ZBTB16: variants seen among roughly 807,000 people sequenced by gnomAD.
ZBTB16 encodes zinc finger and BTB domain containing 16.
Under a neutral mutation model 56.8 loss-of-function variants are expected in ZBTB16, and 8 were observed. The ratio of observed to expected loss-of-function variants is 0.14; its 90% confidence interval spans 0.08 to 0.25. ZBTB16 has a LOEUF of 0.25. Ranked by LOEUF, ZBTB16 falls within the 10% of genes least tolerant of loss-of-function variation. The pLI, the probability that ZBTB16 is intolerant of heterozygous loss-of-function variation, is 1.00. For synonymous variants in ZBTB16, 363 were observed against 368.5 expected (o/e 0.98, Z 0.17); for missense variants, 625 against 903.0 (o/e 0.69, Z 3.95).
intron 4 of ZBTB16, among the ~76,000 whole-genome samples, chr11:114,223,348 G>A (rs973596484): frequency 4.6e-5 from 7 of 152,110 alleles, no homozygotes; most frequent in African/African-American, 1.2e-4. Flanking sequence ...GGGAATATAC[G>A]GACTCAGAAG....
intron 2 of ZBTB16, among the ~76,000 whole-genome samples, chr11:114,079,388 G>A (rs545697259): frequency 6.6e-6 from 1 of 152,312 alleles, no homozygotes; most frequent in African/African-American, 2.4e-5. Flanking sequence ...TTTGGGCACT[G>A]CTAAATTGAT....
intron 3 of ZBTB16, among the ~76,000 whole-genome samples, chr11:114,179,301 C>A (rs1943191630): frequency 1.0e-5 from 1 of 99,048 alleles, no homozygotes. Flanking sequence ...AGAGAGAGAG[C>A]CTTCAAGCTC....
chr11:114,177,467 C>T (rs1943145366), intron 3 of ZBTB16, among the ~76,000 whole-genome samples: 1 of 152,132 alleles, frequency 6.6e-6, no homozygotes, highest in Non-Finnish European at 1.5e-5. Context: ...TCAGGCTGGT[C>T]TCCAACTCCA....
At chr11:114,243,636 G>A (rs1944757192) in intron 5 of ZBTB16, among the ~76,000 whole-genome samples, 4 of 152,216 alleles carry the variant, frequency 2.6e-5, no homozygotes, top group Admixed American at 2.0e-4. Flanking sequence ...TGTTGACAAG[G>A]ACTTTCTCTA....
At position 114,155,414 on chromosome 11, in the gene ZBTB16, C is replaced by T. The variant is rs137879495; in HGVS notation, c.1269-923C>T. The stretch of plus-strand genomic sequence containing the variant: ...CGGTTCCCTGCATCTTACCAGCTCC[C>T]GTGCTGGCTCGTGACTGAGCTAGGG... On this transcript the variant is annotated intron_variant, in intron 2 of 6. Transcript: ENST00000335953. Among the ~76,000 whole-genome samples, 85 of 152,298 alleles carry T rather than the reference C, an allele frequency of 5.6e-4. 1 individual carries two copies. The East Asian group carries it at 0.012, about 21-fold the overall frequency.
intron 2 of ZBTB16, among the ~76,000 whole-genome samples, chr11:114,137,243 C>T (rs1941823643): frequency 6.6e-6 from 1 of 152,180 alleles, no homozygotes; most frequent in African/African-American, 2.4e-5. Context: ...CATCTCTCTA[C>T]CAAAAGAGAA....
intron 3 of ZBTB16, among the ~76,000 whole-genome samples, chr11:114,165,292 T>C (rs1591737511): frequency 6.6e-6 from 1 of 152,346 alleles, no homozygotes; most frequent in African/African-American, 2.4e-5. Context: ...CTTCTCTGGC[T>C]TGGCCCCTGC....
intron 3 of ZBTB16, chr11:114,180,826 A>G (rs1943230571): frequency 6.6e-6 from 1 of 152,294 alleles, no homozygotes; most frequent in African/African-American, 2.4e-5. Context: ...AGCCCAAGAC[A>G]GGTGGGAACC....
intron 4 of ZBTB16, among the ~76,000 whole-genome samples, chr11:114,203,003 T>G (rs1943770454): frequency 5.3e-5 from 8 of 152,210 alleles, no homozygotes; most frequent in Admixed American, 5.2e-4. Flanking sequence ...AACTTACTCA[T>G]GAACATTCAT....
At chr11:114,126,146 A>C (rs1054093196) in intron 2 of ZBTB16, among the ~76,000 whole-genome samples, 1 of 152,174 alleles carries the variant, frequency 6.6e-6, no homozygotes, top group Admixed American at 6.5e-5. Flanking sequence ...TCTTTCTGGC[A>C]CTGAGACTTT....
intron 4 of ZBTB16, among the ~76,000 whole-genome samples, chr11:114,197,809 C>T (rs527727569): frequency 4.6e-5 from 7 of 152,204 alleles, no homozygotes; most frequent in East Asian, 1.9e-4. Context: ...TGAGCAGCAA[C>T]GCTCCTTCCC....
chr11:114,241,925 A>G (rs1944713094), intron 4 of ZBTB16, among the ~76,000 whole-genome samples: 1 of 152,082 alleles, frequency 6.6e-6, no homozygotes, highest in Admixed American at 6.5e-5. Flanking sequence ...GCTGCGATGT[A>G]TTTGATCAAT....
chr11:114,216,536 G>T (rs1372018565), intron 4 of ZBTB16, among the ~76,000 whole-genome samples: 1 of 152,182 alleles, frequency 6.6e-6, no homozygotes. Flanking sequence ...CTTTTGTGGG[G>T]GAATGTACAC....
At chr11:114,214,982 T>G (rs1399087231) in intron 4 of ZBTB16, among the ~76,000 whole-genome samples, 1 of 126,886 alleles carries the variant, frequency 7.9e-6, no homozygotes, top group Non-Finnish European at 1.6e-5. Context: ...GAGAGGAGCT[T>G]ATCTTTTTTT....
chr11:114,143,916 T>C lies in ZBTB16; in HGVS notation c.1269-12421T>C, dbSNP rs778296409. ...AGCCGCTGCTTGGCCTCTGTGCTCG[T>C]TGGGCCTCGAGTCACTGGTATTATG... On this transcript the variant is annotated intron_variant, in intron 2 of 6. Coordinates refer to ENST00000335953, the MANE Select transcript of ZBTB16 (RefSeq NM_006006.6). The surrounding 1 kb of genome is among the most constrained non-coding windows in gnomAD (Gnocchi z 6.4). 1.6e-4 allele frequency among the ~76,000 whole-genome samples: 24 copies of C among 152,190 alleles called. No individual in the cohort carries two copies. The highest frequency in any genetic ancestry group is 2.9e-4 in the Non-Finnish European group (20 of 68,030).
chr11:114,191,812 T>G (rs1943500122), intron 4 of ZBTB16, among the ~76,000 whole-genome samples: 1 of 152,210 alleles, frequency 6.6e-6, no homozygotes. Context: ...GTAGCTTTAC[T>G]GAGATATAAT....
chr11:114,244,899 A>G (rs1357236424), intron 5 of ZBTB16, among the ~76,000 whole-genome samples: 4 of 152,026 alleles, frequency 2.6e-5, no homozygotes, highest in African/African-American at 9.7e-5. Context: ...CTGCCGATGT[A>G]CGTTTTAATT....
intron 4 of ZBTB16, among the ~76,000 whole-genome samples, chr11:114,213,426 T>G (rs1355010965): frequency 6.6e-6 from 1 of 152,136 alleles, no homozygotes; most frequent in Non-Finnish European, 1.5e-5. Context: ...TCCTTTCCAT[T>G]CCCTCCATTC....
intron 4 of ZBTB16, among the ~76,000 whole-genome samples, chr11:114,218,034 G>A (rs1944146037): frequency 6.6e-6 from 1 of 152,074 alleles, no homozygotes; most frequent in Non-Finnish European, 1.5e-5. Context: ...CTGGCCCTGG[G>A]GTAGGAGAGA....
Sources: gnomAD v4.1 joint callset for allele counts (sites outside exome capture counted in the v4.1 genomes callset) on GRCh38, gnomAD v4.1.1 for gene constraint, Gnocchi (gnomAD v3.1) non-coding constraint, MANE v1.5 for transcripts, NCBI Gene and HGNC (gene_info 2026-07-23, HGNC 2026-07-21) for gene names.